Variants in SFXN1 observed in about 807,000 individuals in gnomAD.
The protein encoded by SFXN1 is sideroflexin 1, also known as sideroflexin-1.
SFXN1 carries 32 observed loss-of-function variants against 39.5 expected under a neutral mutation model. The ratio of observed to expected loss-of-function variants is 0.81; its 90% CI spans 0.61 to 1.09. The LOEUF is 1.09. SFXN1 is among the 50% of genes least tolerant of loss of function. The pLI is 0.00. For synonymous variants in SFXN1, 136 were observed against 146.5 expected, an observed-to-expected ratio of 0.93 and a Z score of 0.52; for missense variants, 402 against 407.1, an observed-to-expected ratio of 0.99 and a Z score of 0.11.
chr5:175,518,246 G>A (rs1165649503), intron 8 of SFXN1, among the ~76,000 whole-genome samples: 1 of 152,156 alleles, frequency 6.6e-6, no homozygotes, highest in African/African-American at 2.4e-5. Context: ...GATATGGTTT[G>A]GGTCCTATGC....
Position 175,526,184 on chromosome 5 carries a change from TAC to T in SFXN1, c.873-452_873-451del, listed in dbSNP as rs201653625. On this transcript the variant is annotated intron_variant, in intron 10 of 10. Coordinates refer to ENST00000321442, the MANE Select transcript of SFXN1 (RefSeq NM_022754.7). ...TGAAATTTTTTTAATAAGCGTGTATTACATACAGTAAACAAAAGCACATTAAT... is the reference window on the plus strand; with the variant it reads ...TGAAATTTTTTTAATAAGCGTGTATTATACAGTAAACAAAAGCACATTAAT... 6.1e-4 allele frequency among the ~76,000 whole-genome samples: 93 copies of T among 151,856 alleles called. No individual in the cohort carries two copies. In the East Asian group the frequency reaches 0.015, roughly 24 times the overall value.
chr5:175,480,741 G>A (rs973109032), intron 1 of SFXN1, among the ~76,000 whole-genome samples: 7 of 151,992 alleles, frequency 4.6e-5, no homozygotes, highest in African/African-American at 1.5e-4. Flanking sequence ...GGTGGTAAGA[G>A]CAGACCCGTC....
intron 7 of SFXN1, among the ~76,000 whole-genome samples, chr5:175,514,553 C>T (rs188948019): frequency 2.6e-5 from 4 of 152,124 alleles, no homozygotes; most frequent in Non-Finnish European, 4.4e-5. Flanking sequence ...ATGCAAACAG[C>T]GCTTGGCAAT....
intron 7 of SFXN1, 51 bp from the exon 8 acceptor site, chr5:175,516,563 C>A (rs1001093671): frequency 3.3e-6 from 5 of 1,516,016 alleles, no homozygotes; most frequent in Non-Finnish European, 3.6e-6. Context: ...AAAAAGTAAG[C>A]TGAAAATTGG....
At chr5:175,503,063 G>T (rs1004119673) in intron 2 of SFXN1, among the ~76,000 whole-genome samples, 5 of 152,136 alleles carry the variant, frequency 3.3e-5, no homozygotes, top group African/African-American at 1.2e-4. Context: ...CAGATCCATT[G>T]GTTGGCAGGA....
At chr5:175,499,542 G>A (rs1471128503) in intron 2 of SFXN1, among the ~76,000 whole-genome samples, 6 of 152,150 alleles carry the variant, frequency 3.9e-5, no homozygotes, top group Admixed American at 1.3e-4. Context: ...TGTATCAGTA[G>A]ACTAAAACAG....
intron 8 of SFXN1, 126 bp from the exon 9 acceptor site, chr5:175,521,793 A>T: frequency 1.4e-6 from 1 of 735,734 alleles, no homozygotes; most frequent in Non-Finnish European, 2.2e-6. Context: ...ATTTCCCCCA[A>T]ATTTCACTAA....
At chr5:175,492,715 G>A (rs922699620) in intron 2 of SFXN1, among the ~76,000 whole-genome samples, 2 of 152,222 alleles carry the variant, frequency 1.3e-5, no homozygotes. Flanking sequence ...TAGGAGCTCA[G>A]ATGGGAAGGG....
At chr5:175,492,586 C>A (rs1178530071) in intron 2 of SFXN1, 6 of 206,294 alleles carry the variant, frequency 2.9e-5, no homozygotes, top group African/African-American at 7.0e-5. Context: ...CATCCACAAC[C>A]CCTCCGTGCA....
Position 175,492,579 on chromosome 5 carries a change from C to G in SFXN1, c.164+312C>G, listed in dbSNP as rs1382637370. On this transcript the variant is annotated intron_variant, in intron 2 of 10. Coordinates refer to ENST00000321442, the MANE Select transcript of SFXN1 (RefSeq NM_022754.7). ...AGCACCACCACCTCCACTACGACAT[C>G]CACAACCCCTCCGTGCATTTTTCTG... The G allele has an allele frequency of 3.2e-5, 7 of 218,532 alleles. No homozygotes were observed. In the East Asian group the frequency reaches 7.9e-4, roughly 25 times the overall value. 13.5% of individuals were successfully genotyped at this position (218,532 alleles called of 1,614,324 possible). A position where few individuals can be genotyped will look rare whatever the true frequency, so the allele number is the denominator to read the frequency against.
intron 1 of SFXN1, among the ~76,000 whole-genome samples, 193 bp downstream of exon 1, chr5:175,478,832 G>T (rs1410612416): frequency 1.3e-5 from 2 of 152,106 alleles, no homozygotes; most frequent in African/African-American, 4.8e-5. Context: ...CTGCACCTGG[G>T]GATCCCTGGC....
At chr5:175,484,437 A>T (rs115338072) in intron 1 of SFXN1, among the ~76,000 whole-genome samples, 4,021 of 152,282 alleles carry the variant, frequency 0.026, 177 homozygotes, top group African/African-American at 0.092. Context: ...CGTCAGTACC[A>T]GGTGTGCGGG....
intron 1 of SFXN1, among the ~76,000 whole-genome samples, chr5:175,479,271 C>T (rs1759143329): frequency 6.6e-6 from 1 of 152,232 alleles, no homozygotes; most frequent in Non-Finnish European, 1.5e-5. Flanking sequence ...AAACAGTCTA[C>T]TAAGTGCGTG....
rs1760520328 is a variant in SFXN1, at chr5:175,511,642, TG to T, written c.510+117del. The T allele has an allele frequency of 3.6e-6, 3 of 826,612 alleles. No homozygotes were observed. In the East Asian group the frequency reaches 7.4e-5, roughly 20 times the overall value. 51.2% of individuals were successfully genotyped at this position (826,612 alleles called of 1,614,324 possible). ...AAGTCATATGGCTTTCTTGTTATAGTGCTTATCTTCAGCTGCATATTTTAGT... is the reference window on the plus strand; with the variant it reads ...AAGTCATATGGCTTTCTTGTTATAGTCTTATCTTCAGCTGCATATTTTAGT... On this transcript the variant is annotated intron_variant, in intron 5 of 10. Transcript: ENST00000321442.
At chr5:175,510,385 C>T (rs1459098044) in intron 4 of SFXN1, 178 bp downstream of exon 4, 15 of 583,658 alleles carry the variant, frequency 2.6e-5, no homozygotes, top group Non-Finnish European at 4.5e-5. Flanking sequence ...CATTTTCTCT[C>T]TCCCTATCAA....
chr5:175,524,122 AAAAATATATATATATATAT>A (rs1453139099), intron 10 of SFXN1: 252 of 30,180 alleles, frequency 8.3e-3, no homozygotes, highest in Admixed American at 0.037. Context: ...AAAAAAAAAA[AAAAATATATATATATATAT>A]ATATATATAT....
At chr5:175,508,388 A>G (rs1760391308) in intron 2 of SFXN1, among the ~76,000 whole-genome samples, 1 of 151,296 alleles carries the variant, frequency 6.6e-6, no homozygotes, top group Non-Finnish European at 1.5e-5. Context: ...ACAATGCCTG[A>G]CTAGTTTTTA....
chr5:175,517,394 C>A (rs1760743799), intron 8 of SFXN1, among the ~76,000 whole-genome samples: 1 of 152,072 alleles, frequency 6.6e-6, no homozygotes, highest in South Asian at 2.1e-4. Flanking sequence ...CTGCCCCACG[C>A]CCCACATGGA....
chr5:175,501,132 G>A (rs190201046), intron 2 of SFXN1, among the ~76,000 whole-genome samples: 146 of 145,790 alleles, frequency 1.0e-3, no homozygotes, highest in African/African-American at 3.4e-3. Flanking sequence ...GCAGTGGCGC[G>A]ATCTTGGCTC....
Sources: gnomAD v4.1 joint callset for allele counts (sites outside exome capture counted in the v4.1 genomes callset) on GRCh38, gnomAD v4.1.1 for gene constraint, MANE v1.5 for transcripts, NCBI Gene and HGNC (gene_info 2026-07-23, HGNC 2026-07-21) for gene names.